The following SLC4A10 variants were observed in gnomAD, a reference collection of about 807,000 sequenced individuals.
SLC4A10 encodes the protein solute carrier family 4 member 10, also known as sodium-driven chloride bicarbonate exchanger.
In SLC4A10, 42 loss-of-function variants were observed where a neutral mutation model predicts 137.7. The ratio of observed to expected loss-of-function variants is 0.30; its 90% CI spans 0.24 to 0.39. The LOEUF (loss-of-function observed/expected upper bound fraction) is 0.39, where lower values mean the gene tolerates loss of function less well. SLC4A10 is among the 10% of genes least tolerant of loss of function. The pLI, the probability that SLC4A10 is intolerant of heterozygous loss-of-function variation, is 1.00. For missense variants in SLC4A10, 925 were observed against 1,355.0 expected, an observed-to-expected ratio of 0.68 and a Z score of 4.98; for synonymous variants, 474 against 464.1, an observed-to-expected ratio of 1.02 and a Z score of -0.27.
At chr2:161,701,606 T>C (rs536433687) in intron 1 of SLC4A10, among the ~76,000 whole-genome samples, 3 of 152,108 alleles carry the variant, frequency 2.0e-5, no homozygotes, top group South Asian at 4.1e-4. Context: ...TCTAGCTATG[T>C]TGAAATATGC....
intron 1 of SLC4A10, among the ~76,000 whole-genome samples, chr2:161,627,695 A>G (rs1015196655): frequency 6.6e-6 from 1 of 152,020 alleles, no homozygotes; most frequent in Non-Finnish European, 1.5e-5. Flanking sequence ...CCATCATTGC[A>G]TTTTGTAGAC....
chr2:161,969,899 A>T (rs1462635679), intron 23 of SLC4A10, among the ~76,000 whole-genome samples: 1 of 152,344 alleles, frequency 6.6e-6, no homozygotes, highest in East Asian at 1.9e-4. Context: ...TGTCATTTCT[A>T]GCTGAATCTT....
At chr2:161,971,314 GA>G (rs1698487740) in intron 23 of SLC4A10, among the ~76,000 whole-genome samples, 1 of 152,080 alleles carries the variant, frequency 6.6e-6, no homozygotes, top group South Asian at 2.1e-4. Context: ...TTTTATATCT[GA>G]AAACTGCTTT....
At chr2:161,829,437 C>G (rs2058277580) in intron 3 of SLC4A10, among the ~76,000 whole-genome samples, 1 of 152,116 alleles carries the variant, frequency 6.6e-6, no homozygotes, top group South Asian at 2.1e-4. Context: ...ATCAGCCTCA[C>G]ATTTTTTTGA....
At chr2:161,865,876 A>C (rs2060711036) in intron 6 of SLC4A10, among the ~76,000 whole-genome samples, 1 of 152,056 alleles carries the variant, frequency 6.6e-6, no homozygotes, top group Non-Finnish European at 1.5e-5. Context: ...AGAGAGATGC[A>C]AAAGGATTTC....
At chr2:161,978,256 G>A (rs1050639578) in intron 26 of SLC4A10, among the ~76,000 whole-genome samples, 9 of 151,674 alleles carry the variant, frequency 5.9e-5, no homozygotes, top group South Asian at 4.2e-4. Context: ...GCGTGGTGGC[G>A]GATGCCTGTA....
chr2:161,765,471 G>T (rs1369768687), intron 1 of SLC4A10, among the ~76,000 whole-genome samples: 3 of 151,982 alleles, frequency 2.0e-5, no homozygotes, highest in African/African-American at 7.2e-5. Flanking sequence ...GCCGGGCATG[G>T]TGGTGCATGC....
intron 15 of SLC4A10, among the ~76,000 whole-genome samples, chr2:161,915,071 C>T (rs1295010346): frequency 1.3e-5 from 2 of 152,092 alleles, no homozygotes; most frequent in African/African-American, 4.8e-5. Context: ...CCACCCAACA[C>T]CTTATCCTGT....
intron 1 of SLC4A10, among the ~76,000 whole-genome samples, chr2:161,729,750 CA>C (rs761479427): frequency 1.3e-5 from 2 of 152,058 alleles, no homozygotes; most frequent in Non-Finnish European, 2.9e-5. Flanking sequence ...TTGATGCAAA[CA>C]GGGAAAGGTT....
chr2:161,661,905 T>C (rs1226094129), intron 1 of SLC4A10, among the ~76,000 whole-genome samples: 1 of 152,202 alleles, frequency 6.6e-6, no homozygotes, highest in Admixed American at 6.5e-5. Flanking sequence ...AATGGAATTT[T>C]AGTTAAACTT....
At chr2:161,947,252 C>A (rs1465950986) in intron 16 of SLC4A10, among the ~76,000 whole-genome samples, 2 of 152,026 alleles carry the variant, frequency 1.3e-5, no homozygotes, top group African/African-American at 2.4e-5. Flanking sequence ...GTCATATTTT[C>A]AATATATCTC....
chr2:161,656,198 T>C (rs944033920), intron 1 of SLC4A10, among the ~76,000 whole-genome samples: 1 of 152,186 alleles, frequency 6.6e-6, no homozygotes, highest in African/African-American at 2.4e-5. Context: ...ATAAACGTGA[T>C]ATACCACATT....
chr2:161,925,333 G>A lies in SLC4A10; in HGVS notation c.1998-17459G>A, dbSNP rs556433352. On this transcript the variant is annotated intron_variant, in intron 15 of 26. Coordinates refer to ENST00000446997, the MANE Select transcript of SLC4A10 (RefSeq NM_001178015.2). The stretch of plus-strand genomic sequence containing the variant: ...CTTCTAGATTTTCTAGTTTATTTGC[G>A]TAGAGGTGTTTGTAGTATTCTCTGA... Among the ~76,000 whole-genome samples the A allele has an allele frequency of 4.2e-3, 644 of 152,178 alleles. 5 individuals carry two copies. The highest frequency in any genetic ancestry group is 0.015 in the African/African-American group (612 of 41,522).
At chr2:161,932,009 T>C (rs1690484533) in intron 15 of SLC4A10, among the ~76,000 whole-genome samples, 2 of 152,320 alleles carry the variant, frequency 1.3e-5, no homozygotes, top group South Asian at 4.1e-4. Flanking sequence ...ATTTTCCCTA[T>C]TTTGTGTTTT....
In SLC4A10 at chr2:161,945,196, A is replaced by G. The variant is rs1165713225; in HGVS notation, c.2103+2299A>G. ...TAAGTTTGTGTGTATATATATATAT[A>G]TATATATATATATATATATATATAT... On this transcript the variant is annotated intron_variant, in intron 16 of 26. Transcript: ENST00000446997. 9.3e-3 allele frequency among the ~76,000 whole-genome samples: 454 copies of G among 48,672 alleles called. 9 individuals are homozygous for G. Among genetic ancestry groups the G allele is most frequent in the African/African-American group, 0.023 (354 of 15,488 alleles). 31.9% of individuals were successfully genotyped at this position (48,672 alleles called of 152,430 possible). A position where few individuals can be genotyped will look rare whatever the true frequency, so the allele number is the denominator to read the frequency against.
chr2:161,676,188 A>G (rs1375293437), intron 1 of SLC4A10, among the ~76,000 whole-genome samples: 1 of 152,182 alleles, frequency 6.6e-6, no homozygotes, highest in South Asian at 2.1e-4. Flanking sequence ...ACCAAAAGTT[A>G]AGAACTACTT....
intron 1 of SLC4A10, among the ~76,000 whole-genome samples, chr2:161,636,563 ATT>A (rs574551248): frequency 5.3e-5 from 8 of 151,410 alleles, no homozygotes; most frequent in African/African-American, 1.9e-4. Flanking sequence ...TACCTGGCTA[ATT>A]TTTTTTGTAT....
At chr2:161,647,926 T>G (rs769090933) in intron 1 of SLC4A10, among the ~76,000 whole-genome samples, 5 of 152,236 alleles carry the variant, frequency 3.3e-5, no homozygotes, top group Non-Finnish European at 7.4e-5. Flanking sequence ...ACCAACCCGA[T>G]TAAATGGCAT....
chr2:161,702,315 C>G (rs2043207311), intron 1 of SLC4A10, among the ~76,000 whole-genome samples: 1 of 151,676 alleles, frequency 6.6e-6, no homozygotes, highest in Non-Finnish European at 1.5e-5. Flanking sequence ...TTAATTATAG[C>G]TAAGTTTATC....
Sources: allele counts gnomAD v4.1 joint callset (sites outside exome capture counted in the v4.1 genomes callset), GRCh38; gene constraint gnomAD v4.1.1; transcripts MANE v1.5; gene names NCBI Gene and HGNC (gene_info 2026-07-23, HGNC 2026-07-21).